The following ZNF816 variants were observed in gnomAD, a reference collection of about 807,000 sequenced individuals.
ZNF816 encodes the protein zinc finger protein 816A.
In ZNF816, 11 loss-of-function variants were observed where a neutral mutation model predicts 8.3. The observed-to-expected ratio is 1.32, with a 90% CI of 0.83 to 2.19. The LOEUF (loss-of-function observed/expected upper bound fraction) is 2.19. Among genes scored for constraint, ZNF816 ranks in the 30% most tolerant of loss-of-function variants. The probability of loss-of-function intolerance (pLI) is 0.00; values close to 1 mark genes in which losing one functional copy is unlikely to be tolerated. For missense variants in ZNF816, 710 were observed against 779.3 expected, an observed-to-expected ratio of 0.91 and a Z score of 1.06; for synonymous variants, 255 against 254.5, an observed-to-expected ratio of 1.00 and a Z score of -0.02.
chr19:52,961,850 G>A (rs998968895), intron 1 of ZNF816, among the ~76,000 whole-genome samples: 1 of 152,192 alleles, frequency 6.6e-6, no homozygotes, highest in Non-Finnish European at 1.5e-5. Context: ...ATGGCCTCAG[G>A]AAGCCCGAGA....
chr19:52,953,265 C>T (rs1182476909), intron 2 of ZNF816: 3 of 274,402 alleles, frequency 1.1e-5, no homozygotes, highest in African/African-American at 4.8e-5. Flanking sequence ...TGGTGGCACA[C>T]GCCTCTAGTC....
chr19:52,962,870 T>C lies in ZNF816; in HGVS notation c.-159A>G, dbSNP rs978680528. ...GCAACTTTCAGTCCACGCCATCCGC[T>C]TCCGGGTCTGTGCCAATCGGCGCAG... On this transcript the variant is annotated 5_prime_UTR_variant, in exon 1 of 4. Transcript: ENST00000444460. 6.5e-6 allele frequency: 1 copy of C among 152,684 alleles called. No homozygotes were observed. 9.5% of individuals were successfully genotyped at this position (152,684 alleles called of 1,614,324 possible).
Position 52,951,637 on chromosome 19 carries a change from T to C in ZNF816, c.191-53A>G, listed in dbSNP as rs571387186. 188 of 1,439,632 alleles carry C rather than the reference T, an allele frequency of 1.3e-4. No homozygotes were observed. The African/African-American group carries it at 2.3e-3, about 17-fold the overall frequency. 89.2% of individuals were successfully genotyped at this position (1,439,632 alleles called of 1,614,324 possible). A position where few individuals can be genotyped will look rare whatever the true frequency, so the allele number is the denominator to read the frequency against. ...CCAATTAAGTACAGATGGTAAATAA[T>C]AGTTGATATTCAGATGTGTAAAAAT... On this transcript the variant is annotated intron_variant, in intron 3 of 3. Transcript: ENST00000444460.
intron 3 of ZNF816, 143 bp downstream of exon 3, chr19:52,952,608 A>T: frequency 6.8e-7 from 1 of 1,477,754 alleles, no homozygotes; most frequent in Non-Finnish European, 9.1e-7. Context: ...TCCATGACAG[A>T]TAGGAGGGTC....
intron 3 of ZNF816, 64 bp from the exon 4 acceptor site, chr19:52,951,648 C>G: frequency 7.1e-7 from 1 of 1,403,488 alleles, no homozygotes; most frequent in Non-Finnish European, 9.6e-7. Flanking sequence ...AGTTGATATT[C>G]AGATGTGTAA....
In ZNF816 at chr19:52,950,828, T is replaced by C; in HGVS notation, c.947A>G (p.Asn316Ser). The C allele has an allele frequency of 6.2e-7, 1 of 1,614,124 alleles. No individual in the cohort carries two copies. Among genetic ancestry groups the C allele is most frequent in the Admixed American group, 1.7e-5 (1 of 60,022 alleles). Reference protein sequence around the residue: ...LHTGEKPYKCNECGKTFSEKS... With the variant: ...LHTGEKPYKCSECGKTFSEKS... ...CTCACTGAAGGTCTTGCCACACTCATTACACTTGTAAGGTTTCTCTCCAGT... is the reference window on the plus strand; with the variant it reads ...CTCACTGAAGGTCTTGCCACACTCACTACACTTGTAAGGTTTCTCTCCAGT... Residue 316 changes from asparagine to serine, a missense_variant, in exon 4 of 4, where the codon AAT becomes AGT. By Grantham distance (46) the Asn-to-Ser change is conservative. Transcript: ENST00000444460.
At position 52,950,787 on chromosome 19, in the gene ZNF816, A is replaced by C; in HGVS notation, c.988T>G (p.Cys330Gly). ...KTFSEKSSLR[C>G]HRRLHTGEKP... ...TCTCCAGTATGAAGTCTACGATGGC[A>C]TCTAAGGGATGACTTCTCACTGAAG... The change falls in exon 4 of 4, where the codon TGC becomes GGC. Residue 330 changes from cysteine (C) to glycine (G), a missense_variant. By Grantham distance (159) the Cys-to-Gly change is radical (BLOSUM62 -3). Transcript: ENST00000444460. The C allele has an allele frequency of 6.2e-7, 1 of 1,612,056 alleles. No homozygotes were observed. Among genetic ancestry groups the C allele is most frequent in the Non-Finnish European group, 8.5e-7 (1 of 1,179,950 alleles).
intron 2 of ZNF816, among the ~76,000 whole-genome samples, chr19:52,955,559 A>G (rs1348436457): frequency 6.6e-6 from 1 of 152,262 alleles, no homozygotes; most frequent in Non-Finnish European, 1.5e-5. Context: ...ATATTGACTC[A>G]CTAGTGTAGC....
Position 52,957,279 on chromosome 19 carries a change from C to T in ZNF816, c.-15-1175G>A, listed in dbSNP as rs2083518473. 6.6e-6 allele frequency among the ~76,000 whole-genome samples: 1 copy of T among 152,156 alleles called. No individual in the cohort carries two copies. The highest frequency in any genetic ancestry group is 1.5e-5 in the Non-Finnish European group (1 of 68,030). ...CAACCCCTTAGGTGACTTAGGCCTG[C>T]CCTTTGGAGCATCCCTGCTGGGTAC... On this transcript the variant is annotated intron_variant, in intron 1 of 3. Coordinates refer to ENST00000444460, the MANE Select transcript of ZNF816 (RefSeq NM_001202457.3). The surrounding 1 kb of genome is among the most constrained non-coding windows in gnomAD (Gnocchi z 4.6).
At chr19:52,959,273 A>G (rs1052014529) in intron 1 of ZNF816, among the ~76,000 whole-genome samples, 1 of 152,258 alleles carries the variant, frequency 6.6e-6, no homozygotes, top group Non-Finnish European at 1.5e-5. Context: ...CAAGTACCAA[A>G]GCTTGCTCTG....
intron 3 of ZNF816, 189 bp downstream of exon 3, chr19:52,952,562 G>T: frequency 8.9e-7 from 1 of 1,123,206 alleles, no homozygotes. Flanking sequence ...CTGTTTTTAT[G>T]TAAAACCACT....
rs1003474317 is a variant in ZNF816 at position 52,951,665 on chromosome 19, C to T, written c.191-81G>A. On this transcript the variant is annotated intron_variant, in intron 3 of 3. Transcript: ENST00000444460. ...TTGATATTCAGATGTGTAAAAATTACACAAAAAGCAATACTTATTTTAAAC... is the reference window on the plus strand; with the variant it reads ...TTGATATTCAGATGTGTAAAAATTATACAAAAAGCAATACTTATTTTAAAC... The T allele has an allele frequency of 3.1e-6, 4 of 1,298,716 alleles. No homozygotes were observed. The African/African-American group carries it at 4.5e-5, about 15-fold the overall frequency. 80.4% of individuals were successfully genotyped at this position (1,298,716 alleles called of 1,614,324 possible). A position where few individuals can be genotyped will look rare whatever the true frequency, so the allele number is the denominator to read the frequency against.
rs752523568 is a variant in ZNF816 at position 52,951,075 on chromosome 19, A to T, written c.700T>A (p.Cys234Ser). ...GAGCTATAATTAAAGGCTTTGCCAC[A>T]CTCATTACTTTGGCAAGGTTTTTCT... ...MREKPCQSNE[C>S]GKAFNYSSLL... Residue 234 changes from cysteine (C) to serine (S), a missense_variant, in exon 4 of 4, where the codon TGT becomes AGT. By Grantham distance (112) the Cys-to-Ser change is moderately radical. Transcript: ENST00000444460. The T allele has an allele frequency of 1.2e-6, 2 of 1,614,014 alleles. No homozygotes were observed. The highest frequency in any genetic ancestry group is 1.7e-6 in the Non-Finnish European group (2 of 1,179,982).
Position 52,951,497 on chromosome 19 carries a change from T to C in ZNF816, c.278A>G (p.His93Arg), listed in dbSNP as rs779415402. The C allele has an allele frequency of 1.2e-6, 2 of 1,613,744 alleles. No homozygotes were observed. The highest frequency in any genetic ancestry group is 2.2e-5 in the South Asian group (2 of 91,046). Residue 93 changes from histidine (H) to arginine (R), a missense_variant, in exon 4 of 4, where the codon CAT becomes CGT. Transcript: ENST00000444460. ...EVIHTGTLQR[H>R]KSHHIGDFCF... ...AAAATCTCCAATGTGATGACTTTTA[T>C]GTCTTTGCAACGTCCCTGTGTGGAT...
In ZNF816 at chr19:52,950,378, G is replaced by A. The variant is rs1288849950; in HGVS notation, c.1397C>T (p.Ser466Leu). Reference sequence around the variant, plus strand: ...AAGTGTATGATGGTATTGAAGGGATGACTTCCGACTGAAACTCCTGCCACA... The same window carrying A: ...AAGTGTATGATGGTATTGAAGGGATAACTTCCGACTGAAACTCCTGCCACA... ...NKCGRSFSRK[S>L]SLQYHHTLHT... The change falls in exon 4 of 4, where the codon TCA becomes TTA. Residue 466 changes from serine to leucine, a missense_variant. Coordinates refer to ENST00000444460, the MANE Select transcript of ZNF816 (RefSeq NM_001202457.3). The A allele has an allele frequency of 3.7e-6, 6 of 1,612,906 alleles. No homozygotes were observed. The Admixed American group carries it at 8.4e-5, about 22-fold the overall frequency.
At chr19:52,952,598 T>C in intron 3 of ZNF816, 153 bp downstream of exon 3, 1 of 1,435,402 alleles carries the variant, frequency 7.0e-7, no homozygotes, top group South Asian at 1.3e-5. Flanking sequence ...TAAGAAGCTG[T>C]CCATGACAGA....
intron 1 of ZNF816, chr19:52,960,210 C>T: frequency 3.9e-6 from 1 of 256,772 alleles, no homozygotes. Flanking sequence ...CAGGGTTCAG[C>T]CATTCTGCCC....
At chr19:52,961,655 C>T (rs954484698) in intron 1 of ZNF816, among the ~76,000 whole-genome samples, 12 of 152,158 alleles carry the variant, frequency 7.9e-5, no homozygotes, top group African/African-American at 2.9e-4. Flanking sequence ...CATTTTAGTC[C>T]GAGGGGAGGT....
In ZNF816 at chr19:52,951,434, T is replaced by C. The variant is rs551263514; in HGVS notation, c.341A>G (p.Glu114Gly). The C allele has an allele frequency of 6.2e-7, 1 of 1,614,068 alleles. No homozygotes were observed. Among genetic ancestry groups the C allele is most frequent in the African/African-American group, 1.3e-5 (1 of 75,052 alleles). The part of the protein sequence containing the change: ...PEMKKDIHHF[E>G]FQWQEVERNG... ...TCTTTCAACTTCTTGCCACTGAAAC[T>C]CAAAGTGATGAATATCTTTCTTCAT... is the stretch of plus-strand genomic sequence containing the variant. Residue 114 changes from glutamate to glycine, a missense_variant, in exon 4 of 4, where the codon GAG becomes GGG. Transcript: ENST00000444460.
Sources: allele counts gnomAD v4.1 joint callset (sites outside exome capture counted in the v4.1 genomes callset), GRCh38; gene constraint gnomAD v4.1.1; non-coding constraint Gnocchi (gnomAD v3.1); transcripts MANE v1.5; gene names NCBI Gene and HGNC (gene_info 2026-07-23, HGNC 2026-07-21).